Variants in ANKRD45 observed in about 807,000 individuals in gnomAD.
ANKRD45 encodes the protein ankyrin repeat domain-containing protein 45.
In ANKRD45, 21 loss-of-function variants were observed where a neutral mutation model predicts 28.1. The ratio of observed to expected loss-of-function variants is 0.75; its 90% CI spans 0.53 to 1.08. ANKRD45 has a LOEUF of 1.08. Ranked by LOEUF, ANKRD45 falls within the 50% of genes least tolerant of loss-of-function variation. The pLI is 0.00. For missense variants in ANKRD45, 261 were observed against 308.7 expected (o/e 0.85, Z 1.16); for synonymous variants, 86 against 103.9 (o/e 0.83, Z 1.05).
At chr1:173,710,014 T>C in the ANKRD45 span, among the ~76,000 whole-genome samples, 8 of 152,206 alleles carry the variant, frequency 5.3e-5, no homozygotes, top group Non-Finnish European at 1.2e-4. Flanking sequence ...TTCAATTTTA[T>C]ACTGTCTGTC....
intron 2 of ANKRD45, among the ~76,000 whole-genome samples, chr1:173,648,254 T>G (rs1669025399): frequency 6.6e-6 from 1 of 152,084 alleles, no homozygotes; most frequent in Non-Finnish European, 1.5e-5. Context: ...TTTTTAAATA[T>G]TTTGCAGAGA....
At chr1:173,701,868 TGTTA>T in the ANKRD45 span, among the ~76,000 whole-genome samples, 1 of 152,236 alleles carries the variant, frequency 6.6e-6, no homozygotes, top group South Asian at 2.1e-4. Flanking sequence ...TTTTAATTTT[TGTTA>T]GTGACTTAAA....
At chr1:173,711,566 G>A in the ANKRD45 span, among the ~76,000 whole-genome samples, 1 of 152,206 alleles carries the variant, frequency 6.6e-6, no homozygotes, top group South Asian at 2.1e-4. Flanking sequence ...TGGGAGGCAA[G>A]TTTGCCCTAA....
the ANKRD45 span, among the ~76,000 whole-genome samples, chr1:173,698,171 G>A: frequency 6.6e-6 from 1 of 152,124 alleles, no homozygotes; most frequent in Non-Finnish European, 1.5e-5. Context: ...CATAAAGCAA[G>A]TCTTTAGAGA....
intron 2 of ANKRD45, among the ~76,000 whole-genome samples, chr1:173,654,600 T>C (rs1374304911): frequency 6.6e-6 from 1 of 152,214 alleles, no homozygotes; most frequent in African/African-American, 2.4e-5. Context: ...TTGAGGATTA[T>C]CTTTGTGGTG....
At chr1:173,711,547 T>C in the ANKRD45 span, among the ~76,000 whole-genome samples, 1 of 152,202 alleles carries the variant, frequency 6.6e-6, no homozygotes. Context: ...GGGGTGACTT[T>C]GAATAGAATG....
At chr1:173,627,288 A>G in intron 3 of ANKRD45, 129 bp from the exon 4 acceptor site, 2 of 640,786 alleles carry the variant, frequency 3.1e-6, no homozygotes, top group South Asian at 2.0e-5. Flanking sequence ...ATCCATACAA[A>G]AAAGCACCAA....
At chr1:173,692,990 A>T in the ANKRD45 span, among the ~76,000 whole-genome samples, 38 of 152,026 alleles carry the variant, frequency 2.5e-4, no homozygotes, top group African/African-American at 8.9e-4. Context: ...AACGTTAAAA[A>T]TATGAATTTC....
chr1:173,708,423 G>C, the ANKRD45 span, among the ~76,000 whole-genome samples: 1 of 152,214 alleles, frequency 6.6e-6, no homozygotes, highest in African/African-American at 2.4e-5. Context: ...ATCCCCTCCA[G>C]AGGAGGTAGC....
At position 173,616,010 on chromosome 1, in the gene ANKRD45, G is replaced by A. The variant is rs559942264; in HGVS notation, c.731-5795C>T. On this transcript the variant is annotated intron_variant, in intron 5 of 5. Transcript: ENST00000333279. Reference sequence around the variant, plus strand: ...CCCAGCTACTCAGGAGGCTGAGCCAGGAGAATGGCATGAACCCAGGAGGCG... The same window carrying A: ...CCCAGCTACTCAGGAGGCTGAGCCAAGAGAATGGCATGAACCCAGGAGGCG... Among the ~76,000 whole-genome samples, 59 of 152,178 alleles carry A rather than the reference G, an allele frequency of 3.9e-4. No individual in the cohort carries two copies. The South Asian group carries it at 5.4e-3, about 14-fold the overall frequency.
rs774641174 is a variant in ANKRD45 at position 173,610,060 on chromosome 1, C to T, written c.*85G>A. The stretch of plus-strand genomic sequence containing the variant: ...GTACTTAAATACTTAAAGAAACCCA[C>T]ATCTGTTTTCTCGATTTCAAATGGC... On this transcript the variant is annotated 3_prime_UTR_variant, in exon 6 of 6. Coordinates refer to ENST00000333279, the MANE Select transcript of ANKRD45 (RefSeq NM_198493.3). The T allele has an allele frequency of 3.1e-5, 41 of 1,330,386 alleles. No homozygotes were observed. The highest frequency in any genetic ancestry group is 4.4e-5 in the Non-Finnish European group (41 of 933,258). 82.4% of individuals were successfully genotyped at this position (1,330,386 alleles called of 1,614,324 possible).
chr1:173,690,719 A>G, the ANKRD45 span, among the ~76,000 whole-genome samples: 3 of 152,192 alleles, frequency 2.0e-5, no homozygotes, highest in Non-Finnish European at 4.4e-5. Context: ...GTGTTTTCGC[A>G]TGAGACCTAG....
At chr1:173,635,331 G>C (rs1668378729) in intron 3 of ANKRD45, 1 of 553,680 alleles carries the variant, frequency 1.8e-6, no homozygotes, top group Non-Finnish European at 3.2e-6. Flanking sequence ...TGTATCCTTT[G>C]CTGGGCATAT....
At chr1:173,699,180 A>G in the ANKRD45 span, among the ~76,000 whole-genome samples, 1 of 152,200 alleles carries the variant, frequency 6.6e-6, no homozygotes, top group Non-Finnish European at 1.5e-5. Flanking sequence ...GCAATAATTA[A>G]TAGCCTACCA....
At chr1:173,714,961 G>C in the ANKRD45 span, 1 of 152,746 alleles carries the variant, frequency 6.5e-6, no homozygotes, top group Non-Finnish European at 1.5e-5. Context: ...GAAGGGAAAG[G>C]AAATAGCTCT....
At chr1:173,670,708 A>T (rs750391453), upstream of ANKRD45, among the ~76,000 whole-genome samples, 2 of 152,228 alleles carry the variant, frequency 1.3e-5, no homozygotes, top group Non-Finnish European at 2.9e-5. Flanking sequence ...CCATCAGGTG[A>T]TAGGCAGTTG....
chr1:173,626,959 AG>A (rs1667967127), intron 4 of ANKRD45, 105 bp downstream of exon 4: 1 of 681,608 alleles, frequency 1.5e-6, no homozygotes. Flanking sequence ...GGGAGGAGGG[AG>A]GAAGTAAGGA....
the ANKRD45 span, among the ~76,000 whole-genome samples, chr1:173,676,449 C>T: frequency 1.3e-5 from 2 of 152,088 alleles, no homozygotes; most frequent in African/African-American, 4.8e-5. Flanking sequence ...TTACTTTAAA[C>T]TTCTATTAGT....
the ANKRD45 span, among the ~76,000 whole-genome samples, chr1:173,697,094 A>C: frequency 1.3e-5 from 2 of 152,252 alleles, no homozygotes; most frequent in Non-Finnish European, 2.9e-5. Context: ...TAATGAAATG[A>C]AGCAAGAAGA....
Sources: allele counts gnomAD v4.1 joint callset (sites outside exome capture counted in the v4.1 genomes callset), GRCh38; gene constraint gnomAD v4.1.1; transcripts MANE v1.5; gene names NCBI Gene and HGNC (gene_info 2026-07-23, HGNC 2026-07-21).